Variants in PRH1 observed in about 807,000 individuals in gnomAD.
PRH1 encodes proline rich protein HaeIII subfamily 1.
A neutral mutation model predicts 7.9 loss-of-function variants in PRH1; 7 were observed. The ratio of observed to expected loss-of-function variants is 0.89; its 90% CI spans 0.50 to 1.67. The LOEUF is 1.67. Among genes scored for constraint, PRH1 ranks in the 40% most tolerant of loss-of-function variants. The probability of loss-of-function intolerance (pLI) is 0.00; values close to 1 mark genes in which losing one functional copy is unlikely to be tolerated. For synonymous variants in PRH1, 45 were observed against 80.8 expected (o/e 0.56, Z 2.38); for missense variants, 109 against 223.6 (o/e 0.49, Z 3.27).
intron 1 of PRH1, among the ~76,000 whole-genome samples, chr12:11,069,991 C>T (rs1388016207): frequency 2.0e-5 from 3 of 152,086 alleles, no homozygotes; most frequent in East Asian, 1.9e-4. Flanking sequence ...ACATCCATAC[C>T]ATCTGAGACT....
chr12:10,897,277 C>T (rs1389344159), intron 2 of PRH1, among the ~76,000 whole-genome samples: 2 of 152,168 alleles, frequency 1.3e-5, no homozygotes, highest in South Asian at 4.1e-4. Flanking sequence ...TCACTAGCCA[C>T]GTGTGACTAT....
At chr12:10,931,766 A>G (rs114441061) in intron 2 of PRH1, among the ~76,000 whole-genome samples, 3 of 151,534 alleles carry the variant, frequency 2.0e-5, no homozygotes, top group African/African-American at 7.3e-5. Flanking sequence ...GGAAAAATTT[A>G]TTTCTTAGCT....
intron 1 of PRH1, chr12:11,133,369 T>C (rs1211715042): frequency 2.5e-6 from 4 of 1,613,692 alleles, no homozygotes; most frequent in African/African-American, 1.3e-5. Context: ...GCCGCAAAAC[T>C]GAAAGAAAAA....
intron 1 of PRH1, among the ~76,000 whole-genome samples, chr12:11,075,370 A>G (rs1944249969): frequency 8.6e-6 from 1 of 115,912 alleles, no homozygotes; most frequent in African/African-American, 2.9e-5. Flanking sequence ...ACCAGTTGCA[A>G]AGTTTGCTAG....
At chr12:10,961,195 C>A (rs1938219614) in intron 2 of PRH1, among the ~76,000 whole-genome samples, 1 of 143,708 alleles carries the variant, frequency 7.0e-6, no homozygotes, top group South Asian at 2.1e-4. Context: ...GAGAAAACTC[C>A]TAGGGAATTA....
At chr12:10,979,940 A>T (rs964641034) in intron 1 of PRH1, among the ~76,000 whole-genome samples, 8 of 152,192 alleles carry the variant, frequency 5.3e-5, no homozygotes, top group African/African-American at 1.7e-4. Flanking sequence ...AGGAAAGATG[A>T]GTAATTTGGT....
chr12:11,022,226 G>T (rs776801944), intron 1 of PRH1: 1 of 1,592,208 alleles, frequency 6.3e-7, no homozygotes, highest in Non-Finnish European at 8.5e-7. Flanking sequence ...AGAGAAATAA[G>T]GTTGGAGAAA....
At chr12:10,902,416 G>A (rs1949736238) in intron 2 of PRH1, among the ~76,000 whole-genome samples, 2 of 152,092 alleles carry the variant, frequency 1.3e-5, no homozygotes, top group Admixed American at 1.3e-4. Context: ...GAGAAAGAAG[G>A]AGAAATAGTT....
intron 1 of PRH1, among the ~76,000 whole-genome samples, chr12:11,070,630 G>T (rs1944023570): frequency 6.6e-6 from 1 of 152,070 alleles, no homozygotes; most frequent in African/African-American, 2.4e-5. Context: ...TCTTACTTAT[G>T]CCCCTCAGTT....
intron 1 of PRH1, among the ~76,000 whole-genome samples, chr12:11,056,594 G>T (rs1340067369): frequency 6.6e-6 from 1 of 152,148 alleles, no homozygotes; most frequent in Non-Finnish European, 1.5e-5. Flanking sequence ...GAGGCAGGTG[G>T]ATCACCTGAG....
intron 1 of PRH1, among the ~76,000 whole-genome samples, chr12:11,156,727 A>C (rs554142556): frequency 1.3e-5 from 2 of 152,312 alleles, no homozygotes; most frequent in African/African-American, 4.8e-5. Context: ...TCTATGGATA[A>C]ATAAAATACT....
At chr12:10,986,266 T>A in intron 1 of PRH1, 1 of 1,614,070 alleles carries the variant, frequency 6.2e-7, no homozygotes, top group South Asian at 1.1e-5. Context: ...AGAGAACAGA[T>A]TAGCATCAGA....
chr12:11,038,411 CT>C (rs1230483758), intron 1 of PRH1, among the ~76,000 whole-genome samples: 1 of 152,198 alleles, frequency 6.6e-6, no homozygotes, highest in African/African-American at 2.4e-5. Flanking sequence ...ATGATGATCA[CT>C]CATATGTTTC....
Position 10,943,215 on chromosome 12 carries a change from G to C in PRH1, c.-59+30440C>G, listed in dbSNP as rs536977122. Among the ~76,000 whole-genome samples the C allele has an allele frequency of 2.6e-5, 4 of 152,150 alleles. No individual in the cohort carries two copies. In the East Asian group the frequency reaches 7.7e-4, roughly 29 times the overall value. On this transcript the variant is annotated intron_variant, in intron 2 of 3. Transcript: ENST00000539853. ...CAAGTCAGAACTGCAATTTAGTCCT[G>C]CCTCCCATCCACCATGATGGAGCTG...
At chr12:10,887,517 G>A (rs1339923318), upstream of PRH1, among the ~76,000 whole-genome samples, 1 of 141,458 alleles carries the variant, frequency 7.1e-6, no homozygotes, top group Non-Finnish European at 1.5e-5. Flanking sequence ...AATTAATTTA[G>A]CATATTTCTT....
At chr12:11,006,368 T>A (rs1591801355) in intron 1 of PRH1, 1 of 143,482 alleles carries the variant, frequency 7.0e-6, no homozygotes, top group East Asian at 2.5e-4. Context: ...CTTTTCTCCT[T>A]TTCTTTTTTT....
chr12:11,013,682 C>T (rs1369763234), intron 1 of PRH1, among the ~76,000 whole-genome samples: 4 of 150,920 alleles, frequency 2.7e-5, no homozygotes, highest in Non-Finnish European at 4.4e-5. Flanking sequence ...GCTGGGCTAC[C>T]CTCAATCTCA....
rs185280425 is a variant in PRH1, at chr12:11,061,381, T to C, written n.124-14193A>G. On this transcript the variant is annotated intron_variant and non_coding_transcript_variant, in intron 1 of 4. Coordinates refer to the PRH1 transcript ENST00000541977. Reference sequence around the variant, plus strand: ...CTTGTGAATCTATGAAGATGAAGGCTTCTCTCCTTTCACCCAGTACCTCAC... The same window carrying C: ...CTTGTGAATCTATGAAGATGAAGGCCTCTCTCCTTTCACCCAGTACCTCAC... The C allele has an allele frequency of 1.6e-4, 252 of 1,613,372 alleles. No individual in the cohort carries two copies. Among genetic ancestry groups the C allele is most frequent in the Admixed American group, 3.0e-4 (18 of 59,916 alleles).
chr12:11,115,073 G>A (rs1945693889), intron 1 of PRH1, among the ~76,000 whole-genome samples: 2 of 152,158 alleles, frequency 1.3e-5, no homozygotes, highest in East Asian at 1.9e-4. Context: ...AATGTAAATG[G>A]GCTAAACTCT....
Sources: allele counts gnomAD v4.1 joint callset (sites outside exome capture counted in the v4.1 genomes callset), GRCh38; gene constraint gnomAD v4.1.1; transcripts MANE v1.5; gene names NCBI Gene and HGNC (gene_info 2026-07-23, HGNC 2026-07-21).